Variants in ENTREP2 observed in about 807,000 individuals in gnomAD.
ENTREP2 encodes the protein protein ENTREP2.
chr15:29,234,674 T>C, the ENTREP2 span: 201 of 1,564,898 alleles, frequency 1.3e-4, no homozygotes, highest in Non-Finnish European at 1.6e-4. Context: ...GAGAAAAGTG[T>C]AAGGGTCATT....
chr15:29,390,548 C>T, the ENTREP2 span, among the ~76,000 whole-genome samples: 1 of 152,152 alleles, frequency 6.6e-6, no homozygotes, highest in Non-Finnish European at 1.5e-5. Flanking sequence ...CCCACCCAGC[C>T]TAATAGAGGC....
chr15:29,137,761 G>A, the ENTREP2 span, among the ~76,000 whole-genome samples: 2 of 152,144 alleles, frequency 1.3e-5, no homozygotes, highest in African/African-American at 2.4e-5. Context: ...GCTTGAACCC[G>A]GGAGGCGGAG....
the ENTREP2 span, among the ~76,000 whole-genome samples, chr15:29,257,232 C>A: frequency 2.0e-5 from 3 of 152,076 alleles, no homozygotes; most frequent in Non-Finnish European, 4.4e-5. Context: ...CGCCACCACA[C>A]CGGGGTAATT....
At chr15:29,422,453 T>C in the ENTREP2 span, among the ~76,000 whole-genome samples, 1 of 152,146 alleles carries the variant, frequency 6.6e-6, no homozygotes, top group Non-Finnish European at 1.5e-5. Context: ...AAAGAAAGGT[T>C]AAATTCTTGG....
the ENTREP2 span, among the ~76,000 whole-genome samples, chr15:29,213,335 T>C: frequency 2.0e-5 from 3 of 152,270 alleles, no homozygotes; most frequent in South Asian, 2.1e-4. Context: ...AAGAAAGTCA[T>C]TGGTAGCTTG....
At chr15:29,122,019 C>T in the ENTREP2 span, 2 of 152,302 alleles carry the variant, frequency 1.3e-5, no homozygotes, top group African/African-American at 4.8e-5. Flanking sequence ...TGGAAGACAC[C>T]CTCTGGTCCC....
chr15:29,445,267 A>G, the ENTREP2 span, among the ~76,000 whole-genome samples: 1 of 152,112 alleles, frequency 6.6e-6, no homozygotes, highest in East Asian at 1.9e-4. Flanking sequence ...TAACACTTGG[A>G]ATCTCCAAGG....
chr15:29,229,121 A>C, the ENTREP2 span, among the ~76,000 whole-genome samples: 1 of 152,184 alleles, frequency 6.6e-6, no homozygotes, highest in African/African-American at 2.4e-5. Context: ...CATAAATATA[A>C]AACTGAACTA....
the ENTREP2 span, among the ~76,000 whole-genome samples, chr15:29,183,060 A>G: frequency 1.3e-5 from 2 of 152,166 alleles, no homozygotes; most frequent in Non-Finnish European, 2.9e-5. Flanking sequence ...GGATGGAAAA[A>G]TAGTTCTTAA....
At chr15:29,126,406 G>A in the ENTREP2 span, 1 of 1,549,120 alleles carries the variant, frequency 6.5e-7, no homozygotes, top group Non-Finnish European at 8.7e-7. Flanking sequence ...AGGGTGCTGG[G>A]GCGCCCACAG....
chr15:29,293,214 A>G, the ENTREP2 span, among the ~76,000 whole-genome samples: 5 of 151,904 alleles, frequency 3.3e-5, no homozygotes, highest in African/African-American at 1.2e-4. Context: ...AGTGATAGAA[A>G]CTCAACTCCC....
chr15:29,315,379 A>C, the ENTREP2 span, among the ~76,000 whole-genome samples: 1 of 152,196 alleles, frequency 6.6e-6, no homozygotes, highest in Non-Finnish European at 1.5e-5. Context: ...AGACCAATAA[A>C]ATAAAACGGA....
At chr15:29,508,698 A>T in the ENTREP2 span, among the ~76,000 whole-genome samples, 1 of 152,232 alleles carries the variant, frequency 6.6e-6, no homozygotes, top group Non-Finnish European at 1.5e-5. Flanking sequence ...ATAAAATTCA[A>T]CACCCCTTCA....
At chr15:29,385,192 G>C in the ENTREP2 span, among the ~76,000 whole-genome samples, 6 of 152,178 alleles carry the variant, frequency 3.9e-5, no homozygotes, top group Non-Finnish European at 7.3e-5. Flanking sequence ...TAAGTCGCTT[G>C]TAGCAGGAAT....
chr15:29,305,355 G>A, the ENTREP2 span, among the ~76,000 whole-genome samples: 1 of 152,182 alleles, frequency 6.6e-6, no homozygotes, highest in Non-Finnish European at 1.5e-5. Context: ...GTGACATGAG[G>A]TGACTTACAG....
At chr15:29,491,101 C>T in the ENTREP2 span, among the ~76,000 whole-genome samples, 1 of 152,206 alleles carries the variant, frequency 6.6e-6, no homozygotes, top group Non-Finnish European at 1.5e-5. Context: ...AGCGCCCCCT[C>T]CACAGCTGGT....
At chr15:29,317,210 A>T in the ENTREP2 span, among the ~76,000 whole-genome samples, 3 of 152,230 alleles carry the variant, frequency 2.0e-5, no homozygotes, top group Non-Finnish European at 2.9e-5. Flanking sequence ...CAATGATGTT[A>T]TTCTGAGTAA....
chr15:29,140,548 A>G, the ENTREP2 span, among the ~76,000 whole-genome samples: 7 of 151,664 alleles, frequency 4.6e-5, no homozygotes, highest in Admixed American at 1.3e-4. Context: ...AGCGCCCCCA[A>G]ACTCCCCGCT....
the ENTREP2 span, among the ~76,000 whole-genome samples, chr15:29,195,801 A>G: frequency 6.6e-5 from 10 of 152,352 alleles, no homozygotes; most frequent in Admixed American, 4.6e-4. Flanking sequence ...CTGGGATTAC[A>G]GGCGTGAGCC....
Sources: allele counts gnomAD v4.1 joint callset (sites outside exome capture counted in the v4.1 genomes callset), GRCh38; gene constraint gnomAD v4.1.1; transcripts MANE v1.5; gene names NCBI Gene and HGNC (gene_info 2026-07-23, HGNC 2026-07-21).